PTPRT: variants seen among roughly 807,000 people sequenced by gnomAD.
PTPRT encodes the protein receptor-type tyrosine-protein phosphatase T.
A neutral mutation model predicts 176.8 loss-of-function variants in PTPRT; 56 were observed. The observed-to-expected ratio is 0.32, with a 90% CI of 0.26 to 0.40. The LOEUF (loss-of-function observed/expected upper bound fraction) is 0.40. Ranked by LOEUF, PTPRT falls within the 10% of genes least tolerant of loss-of-function variation. The pLI, the probability that PTPRT is intolerant of heterozygous loss-of-function variation, is 1.00. For synonymous variants in PTPRT, 783 were observed against 739.0 expected (o/e 1.06, Z -0.96); for missense variants, 1,540 against 1,908.2 (o/e 0.81, Z 3.60).
Position 42,147,995 on chromosome 20 carries a change from A to G in PTPRT, c.2683-5993T>C, listed in dbSNP as rs1346208763. On this transcript the variant is annotated intron_variant, in intron 17 of 30. Transcript: ENST00000373187. The stretch of plus-strand genomic sequence containing the variant: ...AAGTATGAAAGAGAGACTCATTTCC[A>G]TCTTCAAAGTGAGCAAGCTAAGGGC... Among the ~76,000 whole-genome samples, 3 of 152,354 alleles carry G rather than the reference A, an allele frequency of 2.0e-5. No individual in the cohort carries two copies. The East Asian group carries it at 5.8e-4, about 29-fold the overall frequency.
At chr20:42,111,012 T>G (rs1027261917) in intron 22 of PTPRT, among the ~76,000 whole-genome samples, 1 of 151,778 alleles carries the variant, frequency 6.6e-6, no homozygotes, top group African/African-American at 2.4e-5. Flanking sequence ...ATTAAGTAGA[T>G]TCTTACTTAG....
At chr20:42,359,996 C>T (rs1230064545) in intron 9 of PTPRT, among the ~76,000 whole-genome samples, 1 of 152,230 alleles carries the variant, frequency 6.6e-6, no homozygotes. Context: ...CCAATCAATG[C>T]CCTGCTCTCT....
chr20:42,331,504 T>C (rs929125650), intron 11 of PTPRT, among the ~76,000 whole-genome samples: 3 of 152,150 alleles, frequency 2.0e-5, no homozygotes, highest in East Asian at 1.9e-4. Context: ...AATGGAATAA[T>C]TACTAATTAA....
intron 11 of PTPRT, 36 bp from the exon 12 acceptor site, chr20:42,316,032 A>G (rs768499122): frequency 6.2e-7 from 1 of 1,605,620 alleles, no homozygotes; most frequent in East Asian, 2.2e-5. Flanking sequence ...TGGTTGAGCA[A>G]CTTTCTGGAA....
At chr20:43,027,519 A>C (rs1985964505) in intron 1 of PTPRT, among the ~76,000 whole-genome samples, 1 of 151,512 alleles carries the variant, frequency 6.6e-6, no homozygotes, top group Non-Finnish European at 1.5e-5. Flanking sequence ...ATTCAATCTG[A>C]CTGGTGTCCT....
At chr20:42,260,512 T>C (rs987829679) in intron 13 of PTPRT, among the ~76,000 whole-genome samples, 4 of 152,150 alleles carry the variant, frequency 2.6e-5, no homozygotes, top group African/African-American at 9.7e-5. Flanking sequence ...AAAGTGATAG[T>C]CCCTTTAGAG....
chr20:42,762,429 G>A (rs1256800502), intron 5 of PTPRT, among the ~76,000 whole-genome samples: 2 of 152,156 alleles, frequency 1.3e-5, no homozygotes, highest in East Asian at 1.9e-4. Flanking sequence ...GTCCCTTAAT[G>A]GAAAGCAAGG....
chr20:43,158,141 G>A lies in PTPRT; in HGVS notation c.88+31505C>T, dbSNP rs186900452. ...CTCGCAAGTGGAGGTGGCGAGAGTG[G>A]GGGGACTCTGGATGTAGTTTGAAGA... On this transcript the variant is annotated intron_variant, in intron 1 of 30. Transcript: ENST00000373187. 2.6e-5 allele frequency among the ~76,000 whole-genome samples: 4 copies of A among 152,234 alleles called. No individual in the cohort carries two copies. The East Asian group carries it at 7.8e-4, about 30-fold the overall frequency.
chr20:42,727,894 T>A (rs1387860351), intron 6 of PTPRT, among the ~76,000 whole-genome samples: 6 of 152,150 alleles, frequency 3.9e-5, no homozygotes, highest in Non-Finnish European at 8.8e-5. Flanking sequence ...TTGCTGCATC[T>A]CCAACCACCC....
At chr20:42,707,060 C>G (rs963062860) in intron 6 of PTPRT, among the ~76,000 whole-genome samples, 7 of 152,138 alleles carry the variant, frequency 4.6e-5, no homozygotes, top group African/African-American at 1.7e-4. Context: ...CAGGAAGAGG[C>G]AAGGAAGAAT....
chr20:42,364,379 G>A (rs1212921040), intron 9 of PTPRT, among the ~76,000 whole-genome samples: 1 of 152,166 alleles, frequency 6.6e-6, no homozygotes, highest in Non-Finnish European at 1.5e-5. Context: ...GAAAGGGAGG[G>A]CATGTTGGAG....
At position 42,561,903 on chromosome 20, in the gene PTPRT, AC is replaced by A. The variant is rs2072958516; in HGVS notation, c.1154-89342del. On this transcript the variant is annotated intron_variant, in intron 7 of 30. Transcript: ENST00000373187. ...CATACTGGCTGTTGTTCCCCCCAAA[AC>A]CCTCTCAGGGATGGAACCTAGAGCT... is the stretch of plus-strand genomic sequence containing the variant. 8.6e-5 allele frequency among the ~76,000 whole-genome samples: 13 copies of A among 151,998 alleles called. No homozygotes were observed. The South Asian group carries it at 2.7e-3, about 32-fold the overall frequency.
intron 27 of PTPRT, 112 bp from the exon 28 acceptor site, chr20:42,085,965 G>C (rs985637698): frequency 9.2e-6 from 10 of 1,085,536 alleles, no homozygotes; most frequent in Non-Finnish European, 1.2e-5. Context: ...TTTTTTTTTT[G>C]AGATGGAGCA....
At chr20:43,167,851 A>C (rs923091490) in intron 1 of PTPRT, among the ~76,000 whole-genome samples, 6 of 152,156 alleles carry the variant, frequency 3.9e-5, no homozygotes, top group Non-Finnish European at 8.8e-5. Context: ...TTGGAAACAG[A>C]TCCTTCCCTA....
intron 6 of PTPRT, among the ~76,000 whole-genome samples, chr20:42,730,145 G>A (rs918658629): frequency 3.9e-5 from 6 of 152,146 alleles, no homozygotes; most frequent in Non-Finnish European, 5.9e-5. Flanking sequence ...ACTACCCAAC[G>A]TCATTCTTCT....
chr20:42,155,708 C>T (rs994043706), intron 17 of PTPRT, among the ~76,000 whole-genome samples: 3 of 152,122 alleles, frequency 2.0e-5, no homozygotes, highest in East Asian at 1.9e-4. Flanking sequence ...TTCATGCCAA[C>T]GAGAACAAGC....
At chr20:42,047,015 G>A in the PTPRT span, among the ~76,000 whole-genome samples, 1 of 152,186 alleles carries the variant, frequency 6.6e-6, no homozygotes, top group African/African-American at 2.4e-5. Flanking sequence ...TGTGAGTTGG[G>A]TTCTGCACTG....
Position 42,104,688 on chromosome 20 carries a change from G to A in PTPRT, c.3421C>T (p.Leu1141=). 1 of 1,589,094 alleles carries A rather than the reference G, an allele frequency of 6.3e-7. No individual in the cohort carries two copies. Among genetic ancestry groups the A allele is most frequent in the Non-Finnish European group, 8.6e-7 (1 of 1,157,034 alleles). The change falls in exon 25 of 31, where the codon CTG becomes TTG. Residue 1141 remains leucine, a synonymous_variant. Coordinates refer to ENST00000373187, the MANE Select transcript of PTPRT (RefSeq NM_007050.6). ...EQYVFVHDAI[L]EACLCGNTAI... is the part of the protein sequence containing the mutation. Reference sequence around the variant, plus strand: ...GTGTTGCCACAGAGGCACGCTTCCAGGATGGCATCGTGCACAAACACATAT... The same window carrying A: ...GTGTTGCCACAGAGGCACGCTTCCAAGATGGCATCGTGCACAAACACATAT...
At chr20:42,479,241 G>T (rs2071340838) in intron 7 of PTPRT, among the ~76,000 whole-genome samples, 1 of 152,216 alleles carries the variant, frequency 6.6e-6, no homozygotes, top group Non-Finnish European at 1.5e-5. Context: ...GTTGCCTGTA[G>T]CATATGTACT....
Sources: allele counts gnomAD v4.1 joint callset (sites outside exome capture counted in the v4.1 genomes callset), GRCh38; gene constraint gnomAD v4.1.1; transcripts MANE v1.5; gene names NCBI Gene and HGNC (gene_info 2026-07-23, HGNC 2026-07-21).